Variants in ARHGAP12 observed in about 807,000 individuals in gnomAD.
ARHGAP12 encodes the protein Rho GTPase activating protein 12.
Under a neutral mutation model 108.6 loss-of-function variants are expected in ARHGAP12, and 64 were observed. The observed-to-expected ratio is 0.59, with a 90% CI of 0.48 to 0.73. The LOEUF is 0.73. Among genes scored for constraint, ARHGAP12 ranks in the 30% least tolerant of loss-of-function variants. ARHGAP12 has a pLI of 0.00. For missense variants in ARHGAP12, 940 were observed against 1,005.9 expected (o/e 0.93, Z 0.89); for synonymous variants, 312 against 337.2 (o/e 0.93, Z 0.82).
intron 1 of ARHGAP12, chr10:31,913,862 T>G (rs1294030897): frequency 6.5e-6 from 1 of 153,148 alleles, no homozygotes; most frequent in African/African-American, 2.4e-5. Flanking sequence ...TTTGTACAGT[T>G]AATACACTAC....
chr10:31,895,558 G>T (rs1241063558), intron 3 of ARHGAP12, among the ~76,000 whole-genome samples: 1 of 152,210 alleles, frequency 6.6e-6, no homozygotes, highest in Non-Finnish European at 1.5e-5. Context: ...TCTCACACCA[G>T]TTAGAATGGC....
At chr10:31,868,068 T>G (rs1837397392) in intron 3 of ARHGAP12, among the ~76,000 whole-genome samples, 1 of 151,844 alleles carries the variant, frequency 6.6e-6, no homozygotes, top group Non-Finnish European at 1.5e-5. Context: ...GGCGTGGTGG[T>G]GCACACGTAA....
chr10:31,872,004 T>C (rs774675308), intron 3 of ARHGAP12, among the ~76,000 whole-genome samples: 3 of 152,200 alleles, frequency 2.0e-5, no homozygotes, highest in Non-Finnish European at 4.4e-5. Context: ...CAGCTCATCA[T>C]AGTACTTACG....
At chr10:31,821,067 C>T (rs1835399472) in intron 11 of ARHGAP12, among the ~76,000 whole-genome samples, 1 of 152,002 alleles carries the variant, frequency 6.6e-6, no homozygotes, top group Non-Finnish European at 1.5e-5. Flanking sequence ...TTCTCTAAAC[C>T]TGATTTTGTG....
At chr10:31,817,922 C>A in intron 12 of ARHGAP12, 36 bp from the exon 13 acceptor site, 2 of 1,534,500 alleles carry the variant, frequency 1.3e-6, no homozygotes, top group South Asian at 2.3e-5. Flanking sequence ...AGAGTATGGT[C>A]AGTTTGTGCT....
chr10:31,843,046 T>G (rs1016407603), intron 7 of ARHGAP12, among the ~76,000 whole-genome samples: 2 of 152,082 alleles, frequency 1.3e-5, no homozygotes, highest in Non-Finnish European at 2.9e-5. Context: ...GTCTTCCCTA[T>G]GAAACCTCCT....
intron 11 of ARHGAP12, among the ~76,000 whole-genome samples, chr10:31,823,270 AC>A (rs1258767535): frequency 6.6e-6 from 1 of 152,208 alleles, no homozygotes; most frequent in Non-Finnish European, 1.5e-5. Flanking sequence ...TGAGAAAAAA[AC>A]AAATACAAGT....
At chr10:31,920,449 C>CAAAAAAAAAAAAAAA (rs71027040) in intron 1 of ARHGAP12, among the ~76,000 whole-genome samples, 29 of 59,592 alleles carry the variant, frequency 4.9e-4, no homozygotes, top group African/African-American at 7.4e-4. Context: ...GACTCCGTCT[C>CAAAAAAAAAAAAAAA]AAAAAAAAAA....
chr10:31,852,900 G>A (rs1341143511), intron 5 of ARHGAP12, among the ~76,000 whole-genome samples: 1 of 151,692 alleles, frequency 6.6e-6, no homozygotes, highest in African/African-American at 2.4e-5. Flanking sequence ...CTAATTTTGT[G>A]TTTTTTTAGT....
At chr10:31,877,463 A>G (rs1837774121) in intron 3 of ARHGAP12, among the ~76,000 whole-genome samples, 1 of 152,218 alleles carries the variant, frequency 6.6e-6, no homozygotes, top group Non-Finnish European at 1.5e-5. Flanking sequence ...GAAGTTGGAA[A>G]GTCAAAAAGA....
intron 3 of ARHGAP12, among the ~76,000 whole-genome samples, chr10:31,897,694 T>C (rs182390993): frequency 3.0e-4 from 45 of 152,174 alleles, no homozygotes; most frequent in Non-Finnish European, 1.3e-4. Context: ...TATCACCTGA[T>C]ATATGGTGTC....
intron 1 of ARHGAP12, among the ~76,000 whole-genome samples, chr10:31,918,280 G>A (rs958258923): frequency 1.3e-5 from 2 of 149,170 alleles, no homozygotes; most frequent in Non-Finnish European, 3.0e-5. Flanking sequence ...GTAAGAACCT[G>A]CAAAGATGCT....
intron 3 of ARHGAP12, among the ~76,000 whole-genome samples, chr10:31,902,024 G>A (rs1029854084): frequency 1.9e-4 from 29 of 152,042 alleles, no homozygotes; most frequent in Non-Finnish European, 1.0e-4. Context: ...CAGGTTCCAG[G>A]GATTAGGACC....
chr10:31,885,690 A>G (rs2132382522), intron 3 of ARHGAP12, among the ~76,000 whole-genome samples: 1 of 152,032 alleles, frequency 6.6e-6, no homozygotes. Flanking sequence ...ATGGTGGTGC[A>G]TGCCTATAAG....
intron 3 of ARHGAP12, among the ~76,000 whole-genome samples, chr10:31,863,242 C>T (rs1183373751): frequency 6.6e-6 from 1 of 152,138 alleles, no homozygotes; most frequent in African/African-American, 2.4e-5. Flanking sequence ...TATCATTTCT[C>T]CTTCAGATTA....
intron 3 of ARHGAP12, among the ~76,000 whole-genome samples, chr10:31,865,491 T>G (rs1837288978): frequency 6.6e-6 from 1 of 152,030 alleles, no homozygotes. Flanking sequence ...ACATTTAGAT[T>G]GCATTAGGTT....
chr10:31,824,333 C>A (rs1329112380), intron 11 of ARHGAP12, among the ~76,000 whole-genome samples: 1 of 151,996 alleles, frequency 6.6e-6, no homozygotes, highest in Non-Finnish European at 1.5e-5. Context: ...TATATTAATA[C>A]TATATCAATA....
Position 31,861,504 on chromosome 10 carries a change from C to T in ARHGAP12, c.839G>A (p.Arg280His), listed in dbSNP as rs762881670. 22 of 1,613,976 alleles carry T rather than the reference C, an allele frequency of 1.4e-5. No individual in the cohort carries two copies. The highest frequency in any genetic ancestry group is 1.6e-4 in the Middle Eastern group (1 of 6,084). ...EWETHKDSSG[R>H]CYYYNRGTQE... is the part of the protein sequence containing the mutation. Reference sequence around the variant, plus strand: ...TGTCCCTCTGTTATAGTAATAGCAACGCCCTGAGCTGTCTTTATGAGTTTC... The same window carrying T: ...TGTCCCTCTGTTATAGTAATAGCAATGCCCTGAGCTGTCTTTATGAGTTTC... The change falls in exon 4 of 20, where the codon CGT becomes CAT. Residue 280 changes from arginine (R) to histidine (H), a missense_variant. Coordinates refer to ENST00000344936, the MANE Select transcript of ARHGAP12 (RefSeq NM_018287.7).
intron 11 of ARHGAP12, among the ~76,000 whole-genome samples, chr10:31,821,105 G>A (rs1835400571): frequency 6.6e-6 from 1 of 152,054 alleles, no homozygotes; most frequent in Non-Finnish European, 1.5e-5. Flanking sequence ...TTATTGAGTA[G>A]TTACGCTGTT....
Sources: allele counts gnomAD v4.1 joint callset (sites outside exome capture counted in the v4.1 genomes callset), GRCh38; gene constraint gnomAD v4.1.1; transcripts MANE v1.5; gene names NCBI Gene and HGNC (gene_info 2026-07-23, HGNC 2026-07-21).